MCTP2: variants seen among roughly 807,000 people sequenced by gnomAD.
MCTP2 encodes multiple C2 and transmembrane domain-containing protein 2.
A neutral mutation model predicts 111.6 loss-of-function variants in MCTP2; 132 were observed. The ratio of observed to expected loss-of-function variants is 1.18; its 90% CI spans 1.03 to 1.37. MCTP2 has a LOEUF of 1.37. Among genes scored for constraint, MCTP2 ranks in the 40% most tolerant of loss-of-function variants. The probability of loss-of-function intolerance (pLI) is 0.00; values close to 1 mark genes in which losing one functional copy is unlikely to be tolerated. For synonymous variants in MCTP2, 395 were observed against 387.7 expected (o/e 1.02, Z -0.22); for missense variants, 1,183 against 1,067.9 (o/e 1.11, Z -1.50).
At chr15:94,301,314 AC>A (rs1046964377) in intron 2 of MCTP2, among the ~76,000 whole-genome samples, 1 of 152,042 alleles carries the variant, frequency 6.6e-6, no homozygotes, top group African/African-American at 2.4e-5. Flanking sequence ...AGTTCTGCCC[AC>A]CCAGCTCCCT....
chr15:94,307,810 G>A (rs568839948), intron 2 of MCTP2, among the ~76,000 whole-genome samples: 64 of 152,220 alleles, frequency 4.2e-4, no homozygotes, highest in African/African-American at 1.1e-3. Flanking sequence ...CCGAGGCTTC[G>A]TCAGCCAGTC....
chr15:94,441,658 T>C (rs963692609), intron 18 of MCTP2, among the ~76,000 whole-genome samples: 25 of 152,200 alleles, frequency 1.6e-4, no homozygotes, highest in Non-Finnish European at 4.4e-5. Context: ...ATAACACAAC[T>C]ATGAGGGAGG....
intron 11 of MCTP2, among the ~76,000 whole-genome samples, chr15:94,368,970 C>A (rs2079343770): frequency 6.6e-6 from 1 of 152,202 alleles, no homozygotes; most frequent in South Asian, 2.1e-4. Flanking sequence ...CTAGCCAGCA[C>A]ATTAGAGGGA....
chr15:94,247,370 A>G (rs2072091932), intron 1 of MCTP2, among the ~76,000 whole-genome samples: 2 of 152,216 alleles, frequency 1.3e-5, no homozygotes, highest in South Asian at 4.2e-4. Context: ...ATTTCTGCCT[A>G]TTAAGATCCA....
chr15:94,365,361 AG>A (rs2079131489), intron 10 of MCTP2, among the ~76,000 whole-genome samples: 1 of 152,218 alleles, frequency 6.6e-6, no homozygotes, highest in Admixed American at 6.5e-5. Flanking sequence ...TGTTCATTCT[AG>A]TGAAGGGACT....
chr15:94,243,550 TGC>T (rs2071302823), intron 1 of MCTP2, among the ~76,000 whole-genome samples: 4 of 149,114 alleles, frequency 2.7e-5, no homozygotes, highest in African/African-American at 9.9e-5. Context: ...TGCATACGTA[TGC>T]GTATATGCGT....
intron 17 of MCTP2, among the ~76,000 whole-genome samples, chr15:94,431,248 GAAAT>G (rs1229229576): frequency 6.6e-6 from 1 of 152,158 alleles, no homozygotes; most frequent in Non-Finnish European, 1.5e-5. Context: ...TATAAGTGAA[GAAAT>G]AGTCAAGCAG....
At chr15:94,442,089 G>C (rs1245807787) in intron 18 of MCTP2, among the ~76,000 whole-genome samples, 1 of 152,200 alleles carries the variant, frequency 6.6e-6, no homozygotes, top group Non-Finnish European at 1.5e-5. Flanking sequence ...TAGTGGAACA[G>C]TGACATCTGA....
chr15:94,277,445 T>C (rs556643433), intron 1 of MCTP2, among the ~76,000 whole-genome samples: 7 of 152,132 alleles, frequency 4.6e-5, no homozygotes, highest in Non-Finnish European at 1.0e-4. Flanking sequence ...AGTAGTCAAA[T>C]GGATAAACTA....
At chr15:94,243,008 TACAC>T (rs1567248914) in intron 1 of MCTP2, among the ~76,000 whole-genome samples, 7 of 98,528 alleles carry the variant, frequency 7.1e-5, no homozygotes, top group Non-Finnish European at 1.1e-4. Flanking sequence ...TATCTACACA[TACAC>T]GTGTATATGT....
chr15:94,366,020 A>C (rs2079163888), intron 10 of MCTP2, among the ~76,000 whole-genome samples: 1 of 152,214 alleles, frequency 6.6e-6, no homozygotes. Context: ...TTGCTCAAGA[A>C]TTTGTGGGGA....
At chr15:94,255,813 G>A (rs967168034) in intron 1 of MCTP2, among the ~76,000 whole-genome samples, 1 of 152,130 alleles carries the variant, frequency 6.6e-6, no homozygotes, top group Non-Finnish European at 1.5e-5. Flanking sequence ...AAAGTTGGTA[G>A]GAATGAAAGA....
chr15:94,291,935 T>C (rs914876639), intron 1 of MCTP2, among the ~76,000 whole-genome samples: 2 of 152,226 alleles, frequency 1.3e-5, no homozygotes, highest in Non-Finnish European at 2.9e-5. Context: ...GTAAACACAT[T>C]AGTGTGGCTA....
intron 4 of MCTP2, among the ~76,000 whole-genome samples, chr15:94,321,352 A>G (rs12441380): frequency 0.68 from 103,111 of 152,164 alleles, 37,372 homozygotes; most frequent in Middle Eastern, 0.83. Flanking sequence ...GCATATTTCA[A>G]TTAGGCTGAT....
chr15:94,299,266 A>G (rs1380022151), intron 2 of MCTP2, among the ~76,000 whole-genome samples: 1 of 151,858 alleles, frequency 6.6e-6, no homozygotes, highest in African/African-American at 2.4e-5. Flanking sequence ...ATTCTCTTTT[A>G]TCTGTCTCCT....
intron 17 of MCTP2, among the ~76,000 whole-genome samples, chr15:94,416,207 A>G (rs2082371959): frequency 6.6e-6 from 1 of 152,096 alleles, no homozygotes; most frequent in Non-Finnish European, 1.5e-5. Context: ...ACCTGCAAGG[A>G]TTCCCTGTAA....
intron 17 of MCTP2, among the ~76,000 whole-genome samples, chr15:94,409,701 C>T (rs2082066133): frequency 6.6e-6 from 1 of 151,740 alleles, no homozygotes; most frequent in Non-Finnish European, 1.5e-5. Flanking sequence ...TCTCCCGATC[C>T]TCCCTCTTTC....
intron 7 of MCTP2, chr15:94,341,140 G>A (rs2077618691): frequency 2.0e-6 from 1 of 489,096 alleles, no homozygotes; most frequent in South Asian, 2.7e-5. Flanking sequence ...TATTTCTTTT[G>A]TGTTATTAAG....
At chr15:94,232,896 A>G (rs2152200500) in intron 1 of MCTP2, among the ~76,000 whole-genome samples, 1 of 152,322 alleles carries the variant, frequency 6.6e-6, no homozygotes, top group South Asian at 2.1e-4. Context: ...GCCAAGCACC[A>G]TGCTAGGCAC....
Sources: gnomAD v4.1 joint callset for allele counts (sites outside exome capture counted in the v4.1 genomes callset) on GRCh38, gnomAD v4.1.1 for gene constraint, MANE v1.5 for transcripts, NCBI Gene and HGNC (gene_info 2026-07-23, HGNC 2026-07-21) for gene names.